Variants in GRIK5 observed in about 807,000 individuals in gnomAD.
GRIK5 encodes the protein glutamate receptor ionotropic, kainate 5.
GRIK5 carries 43 observed loss-of-function variants against 97.4 expected under a neutral mutation model. The observed-to-expected ratio is 0.44, with a 90% CI of 0.35 to 0.57. The LOEUF (loss-of-function observed/expected upper bound fraction) is 0.57. Among genes scored for constraint, GRIK5 ranks in the 20% least tolerant of loss-of-function variants. GRIK5 has a pLI of 0.01. For synonymous variants in GRIK5, 580 were observed against 583.5 expected (o/e 0.99, Z 0.09); for missense variants, 1,015 against 1,382.0 (o/e 0.73, Z 4.21).
chr19:42,039,072 C>T (rs951657860), intron 12 of GRIK5, among the ~76,000 whole-genome samples: 3 of 152,208 alleles, frequency 2.0e-5, no homozygotes, highest in Non-Finnish European at 2.9e-5. Context: ...CTAGCTCTGA[C>T]GTTCTCCCGC....
Position 42,069,798 on chromosome 19 carries a change from G to A in GRIK5, c.-608C>T, listed in dbSNP as rs1156756140. Among the ~76,000 whole-genome samples the A allele has an allele frequency of 6.6e-6, 1 of 152,050 alleles. No homozygotes were observed. Among genetic ancestry groups the A allele is most frequent in the African/African-American group, 2.4e-5 (1 of 41,420 alleles). Reference sequence around the variant, plus strand: ...CTGGGCCCTGCCCTGGTTGAGGCAAGGGCCCGGAGTCCTCAAGCCCTCAGC... The same window carrying A: ...CTGGGCCCTGCCCTGGTTGAGGCAAAGGCCCGGAGTCCTCAAGCCCTCAGC... On this transcript the variant is annotated 5_prime_UTR_variant, in exon 1 of 20. Coordinates refer to ENST00000593562, the MANE Select transcript of GRIK5 (RefSeq NM_002088.5).
chr19:42,064,504 G>A (rs1238505111), intron 3 of GRIK5, among the ~76,000 whole-genome samples: 1 of 151,886 alleles, frequency 6.6e-6, no homozygotes, highest in Non-Finnish European at 1.5e-5. Flanking sequence ...GCACATGACT[G>A]GAATGCCATC....
At position 42,042,853 on chromosome 19, in the gene GRIK5, CT is replaced by C. The variant is rs1389412088; in HGVS notation, c.1270-99del. On this transcript the variant is annotated intron_variant, in intron 11 of 19. Transcript: ENST00000593562. This position sits in a 1 kb window ranked among gnomAD's most constrained non-coding sequence, Gnocchi z 6.9. Reference sequence around the variant, plus strand: ...ACCAGGCAGGTAGAGCAGGAATCTGCTTGCTGAGCACGGTTGATTTATTCAT... The same window carrying C: ...ACCAGGCAGGTAGAGCAGGAATCTGCTGCTGAGCACGGTTGATTTATTCAT... The C allele has an allele frequency of 2.3e-6, 2 of 854,166 alleles. No homozygotes were observed. The highest frequency in any genetic ancestry group is 3.7e-6 in the Non-Finnish European group (2 of 538,542). 52.9% of individuals were successfully genotyped at this position (854,166 alleles called of 1,614,324 possible).
Position 42,022,244 on chromosome 19 carries a change from G to C in GRIK5, c.1584C>G (p.His528Gln), listed in dbSNP as rs1226119398. ...ATGGTCTCCAGGGGAACCATACCAT[G>C]TGCACTCGGTAGAGGATGCTGATCC... ...TLGISILYRV[H>Q]MGRKPGYFSF... is the part of the protein sequence containing the mutation. Residue 528 changes from histidine to glutamine, a missense_variant, in exon 13 of 20, where the codon CAC (histidine) becomes CAG (glutamine). By Grantham distance (24) the His-to-Gln change is conservative. Coordinates refer to ENST00000593562, the MANE Select transcript of GRIK5 (RefSeq NM_002088.5). The surrounding 1 kb of genome is among the most constrained non-coding windows in gnomAD (Gnocchi z 4.2). 4 of 1,606,816 alleles carry C rather than the reference G, an allele frequency of 2.5e-6. No individual in the cohort carries two copies. In the Admixed American group the frequency reaches 6.7e-5, roughly 27 times the overall value.
intron 3 of GRIK5, chr19:42,063,333 A>G: frequency 2.2e-6 from 1 of 456,898 alleles, no homozygotes; most frequent in Non-Finnish European, 4.4e-6. Flanking sequence ...CTTCCTCCTT[A>G]TACACATGTG....
Position 42,003,676 on chromosome 19 carries a change from C to G in GRIK5, c.2271G>C (p.Pro757=). 6.2e-7 allele frequency: 1 copy of G among 1,610,394 alleles called. No homozygotes were observed. Among genetic ancestry groups the G allele is most frequent in the Non-Finnish European group, 8.5e-7 (1 of 1,178,084 alleles). The change falls in exon 18 of 20, where the codon CCG becomes CCC. Residue 757 remains proline, a synonymous_variant. Coordinates refer to ENST00000593562, the MANE Select transcript of GRIK5 (RefSeq NM_002088.5). The surrounding 1 kb of genome is among the most constrained non-coding windows in gnomAD (Gnocchi z 4.2). ...GYGIGMPLGS[P]FRDEITLAIL... ...TGGCCAGTGTGATCTCATCCCGGAA[C>G]GGGGAGCCTGGGCAGGCACACGAGG...
At position 42,065,426 on chromosome 19, in the gene GRIK5, C is replaced by A; in HGVS notation, c.80-39G>T. The A allele has an allele frequency of 1.3e-6, 2 of 1,541,878 alleles. No individual in the cohort carries two copies. The highest frequency in any genetic ancestry group is 1.2e-5 in the South Asian group (1 of 83,062). On this transcript the variant is annotated intron_variant, in intron 2 of 19. Transcript: ENST00000593562. This position sits in a 1 kb window ranked among gnomAD's most constrained non-coding sequence, Gnocchi z 5.8. Reference sequence around the variant, plus strand: ...TGGGTTGGGGACCAGACTCCTGAGTCCTGAGGAAGGAGGGGGCTGTGGTCT... The same window carrying A: ...TGGGTTGGGGACCAGACTCCTGAGTACTGAGGAAGGAGGGGGCTGTGGTCT...
chr19:42,005,237 C>A (rs1447473325), intron 17 of GRIK5, among the ~76,000 whole-genome samples: 250 of 88,614 alleles, frequency 2.8e-3, no homozygotes, highest in South Asian at 6.6e-3. Flanking sequence ...GACTCCGTCT[C>A]AAAAAAAAAA....
intron 12 of GRIK5, among the ~76,000 whole-genome samples, chr19:42,041,050 C>T (rs765548675): frequency 6.6e-6 from 1 of 152,176 alleles, no homozygotes; most frequent in Non-Finnish European, 1.5e-5. Flanking sequence ...AGCAGCTCTG[C>T]TCTTGCCCAG....
At chr19:42,054,918 G>A (rs1353415976) in intron 8 of GRIK5, among the ~76,000 whole-genome samples, 1 of 152,180 alleles carries the variant, frequency 6.6e-6, no homozygotes, top group Non-Finnish European at 1.5e-5. Flanking sequence ...CAGAGAGGCA[G>A]GAGCATATAA....
intron 11 of GRIK5, among the ~76,000 whole-genome samples, chr19:42,043,404 T>A: frequency 7.1e-6 from 1 of 140,812 alleles, no homozygotes; most frequent in East Asian, 2.0e-4. Flanking sequence ...GTGCAATTTT[T>A]TTTTTTTTTT....
At chr19:42,011,542 G>C (rs2075562617) in intron 15 of GRIK5, among the ~76,000 whole-genome samples, 1 of 142,052 alleles carries the variant, frequency 7.0e-6, no homozygotes, top group Non-Finnish European at 1.5e-5. Flanking sequence ...GACAGAGCGA[G>C]ACTCCGTCTC....
At chr19:42,000,557 G>C (rs1407860726) in intron 19 of GRIK5, among the ~76,000 whole-genome samples, 1 of 152,208 alleles carries the variant, frequency 6.6e-6, no homozygotes, top group Admixed American at 6.5e-5. Context: ...ACACCTATCA[G>C]ATATCCAAGT....
intron 12 of GRIK5, among the ~76,000 whole-genome samples, chr19:42,039,544 T>C (rs942525060): frequency 4.6e-5 from 7 of 152,142 alleles, no homozygotes; most frequent in African/African-American, 1.4e-4. Flanking sequence ...CCAAACCCTT[T>C]AGCCCACTCA....
intron 17 of GRIK5, among the ~76,000 whole-genome samples, chr19:42,004,633 CTTTCT>C (rs2146013602): frequency 6.6e-6 from 1 of 152,216 alleles, no homozygotes; most frequent in African/African-American, 2.4e-5. Context: ...AGATTTCTTC[CTTTCT>C]TTTGACAGAA....
At chr19:42,029,445 T>G (rs1330206928) in intron 12 of GRIK5, among the ~76,000 whole-genome samples, 1 of 150,936 alleles carries the variant, frequency 6.6e-6, no homozygotes, top group African/African-American at 2.4e-5. Flanking sequence ...CCGTCTCTAC[T>G]AAAAATACAA....
chr19:42,029,394 G>T (rs1395540964), intron 12 of GRIK5, among the ~76,000 whole-genome samples: 2 of 151,540 alleles, frequency 1.3e-5, no homozygotes, highest in East Asian at 4.0e-4. Context: ...AATTAACTGA[G>T]CATAGGTGTT....
chr19:42,022,394 A>G lies in GRIK5; in HGVS notation c.1474-40T>C. 1 of 1,552,198 alleles carries G rather than the reference A, an allele frequency of 6.4e-7. No homozygotes were observed. The highest frequency in any genetic ancestry group is 1.1e-5 in the South Asian group (1 of 89,688). On this transcript the variant is annotated intron_variant, in intron 12 of 19. Transcript: ENST00000593562. The surrounding 1 kb of genome is among the most constrained non-coding windows in gnomAD (Gnocchi z 4.2). ...GCCGGGCAGGGGTGGAGGGGGACAG[A>G]GGGGAAGACAGAAGTGGACAGTTAG...
chr19:42,015,758 T>C (rs2075616714), intron 15 of GRIK5, among the ~76,000 whole-genome samples: 1 of 152,132 alleles, frequency 6.6e-6, no homozygotes, highest in Admixed American at 6.5e-5. Context: ...CAACCACTTG[T>C]CTTACCGTGG....
Sources: allele counts gnomAD v4.1 joint callset (sites outside exome capture counted in the v4.1 genomes callset), GRCh38; gene constraint gnomAD v4.1.1; non-coding constraint Gnocchi (gnomAD v3.1); transcripts MANE v1.5; gene names NCBI Gene and HGNC (gene_info 2026-07-23, HGNC 2026-07-21).